The following RAB28 variants were observed in gnomAD, a reference collection of about 807,000 sequenced individuals.
RAB28 encodes RAB28, member RAS oncogene family, also known as ras-related protein Rab-28.
In RAB28, 24 loss-of-function variants were observed where a neutral mutation model predicts 31.7. That is an observed-to-expected ratio of 0.76 (90% CI 0.55 to 1.06). The LOEUF (loss-of-function observed/expected upper bound fraction) is 1.06, where lower values mean the gene tolerates loss of function less well. Ranked by LOEUF, RAB28 falls within the 50% of genes least tolerant of loss-of-function variation. The pLI is 0.00. For synonymous variants in RAB28, 100 were observed against 90.4 expected (o/e 1.11, Z -0.60); for missense variants, 254 against 258.5 (o/e 0.98, Z 0.12).
In RAB28 at chr4:13,370,692, C is replaced by T. The variant is rs6823033; in HGVS notation, c.574-2042G>A. On this transcript the variant is annotated intron_variant, in intron 6 of 6. Coordinates refer to ENST00000330852, the MANE Select transcript of RAB28 (RefSeq NM_001017979.3). ...CCAAGACTTCCTTATGATGCTCGCT[C>T]CCCCATTCCTCCCGATCCTAACCTC... 4 of 984,418 alleles carry T rather than the reference C, an allele frequency of 4.1e-6. No individual in the cohort carries two copies. The African/African-American group carries it at 7.0e-5, about 17-fold the overall frequency. The allele number at this position is 984,418 out of a possible 1,614,324, so 61.0% of individuals were successfully genotyped here.
chr4:13,445,147 C>G (rs763445350), intron 4 of RAB28, among the ~76,000 whole-genome samples: 1 of 151,626 alleles, frequency 6.6e-6, no homozygotes, highest in Non-Finnish European at 1.5e-5. Flanking sequence ...CTCTGAAATC[C>G]TTTCTTCTGC....
intron 4 of RAB28, among the ~76,000 whole-genome samples, chr4:13,449,141 T>G (rs1300213557): frequency 6.6e-6 from 1 of 152,038 alleles, no homozygotes; most frequent in Non-Finnish European, 1.5e-5. Context: ...TAAGCTCTCT[T>G]AAACAAATTG....
intron 6 of RAB28, among the ~76,000 whole-genome samples, chr4:13,374,364 A>C (rs530264373): frequency 1.2e-4 from 18 of 152,274 alleles, no homozygotes; most frequent in African/African-American, 4.3e-4. Flanking sequence ...TCTAAAGTCA[A>C]AATAGTAACC....
intron 5 of RAB28, 105 bp downstream of exon 5, chr4:13,381,386 A>G (rs1729122500): frequency 9.7e-6 from 7 of 724,362 alleles, no homozygotes; most frequent in Admixed American, 2.8e-5. Flanking sequence ...CATGTTTTCA[A>G]TAGGAATTAA....
chr4:13,428,180 C>T (rs943411070), intron 4 of RAB28, among the ~76,000 whole-genome samples: 2 of 152,194 alleles, frequency 1.3e-5, no homozygotes, highest in African/African-American at 2.4e-5. Flanking sequence ...GCCCAGGGCG[C>T]GCCGCCGGGC....
chr4:13,432,975 T>C (rs1713892467), intron 4 of RAB28, among the ~76,000 whole-genome samples: 1 of 148,894 alleles, frequency 6.7e-6, no homozygotes, highest in Non-Finnish European at 1.5e-5. Flanking sequence ...GAGTGGCAAA[T>C]TGAATTTAAA....
chr4:13,479,030 C>T (rs1221767169), intron 2 of RAB28, among the ~76,000 whole-genome samples: 1 of 151,566 alleles, frequency 6.6e-6, no homozygotes, highest in Non-Finnish European at 1.5e-5. Flanking sequence ...CAACTTTAAA[C>T]AAAAAACTAA....
At chr4:13,446,308 T>TG (rs1188337511) in intron 4 of RAB28, among the ~76,000 whole-genome samples, 1 of 152,162 alleles carries the variant, frequency 6.6e-6, no homozygotes, top group Admixed American at 6.5e-5. Context: ...CGGGGCTCTG[T>TG]GGGAGTGGGA....
intron 4 of RAB28, among the ~76,000 whole-genome samples, chr4:13,391,742 C>A (rs556365122): frequency 3.3e-5 from 5 of 152,206 alleles, no homozygotes; most frequent in East Asian, 1.9e-4. Flanking sequence ...AGGATGAGTT[C>A]TTTTCCTTTG....
chr4:13,428,074 C>T (rs966929682), intron 4 of RAB28, among the ~76,000 whole-genome samples: 4 of 152,150 alleles, frequency 2.6e-5, no homozygotes, highest in African/African-American at 9.7e-5. Flanking sequence ...GTAATCAGAA[C>T]GGAACAGAAC....
chr4:13,385,927 G>C (rs139034392), intron 4 of RAB28, among the ~76,000 whole-genome samples: 59 of 152,212 alleles, frequency 3.9e-4, no homozygotes, highest in Non-Finnish European at 7.5e-4. Flanking sequence ...AAGAAAACAA[G>C]AGAAATGCTT....
rs531770773 is a variant in RAB28, at chr4:13,469,693, C to T, written c.261+4625G>A. Among the ~76,000 whole-genome samples, 9 of 151,874 alleles carry T rather than the reference C, an allele frequency of 5.9e-5. No individual in the cohort carries two copies. The East Asian group carries it at 7.8e-4, about 13-fold the overall frequency. On this transcript the variant is annotated intron_variant, in intron 3 of 6. Transcript: ENST00000330852. Reference sequence around the variant, plus strand: ...TGGATACCATTTTCAAGGTAATAATCGACAGCAATTTTCTTTTTTAAGAGA... The same window carrying T: ...TGGATACCATTTTCAAGGTAATAATTGACAGCAATTTTCTTTTTTAAGAGA...
intron 3 of RAB28, 98 bp from the exon 4 acceptor site, chr4:13,460,926 T>C (rs182258327): frequency 1.9e-5 from 22 of 1,153,336 alleles, no homozygotes; most frequent in Non-Finnish European, 2.7e-5. Context: ...AAAATGGGTA[T>C]AAAAATACAA....
chr4:13,454,156 A>C (rs1468420766), intron 4 of RAB28, among the ~76,000 whole-genome samples: 5 of 152,112 alleles, frequency 3.3e-5, no homozygotes, highest in Non-Finnish European at 5.9e-5. Context: ...TATTTCATTA[A>C]TTAAATTCTT....
chr4:13,432,283 G>A (rs1713849880), intron 4 of RAB28, among the ~76,000 whole-genome samples: 2 of 151,918 alleles, frequency 1.3e-5, no homozygotes, highest in African/African-American at 2.4e-5. Flanking sequence ...AAGAAATATG[G>A]GATTATATAA....
At chr4:13,480,009 G>A (rs1025452049) in intron 1 of RAB28, among the ~76,000 whole-genome samples, 2 of 151,600 alleles carry the variant, frequency 1.3e-5, no homozygotes. Context: ...CACAAGAAAA[G>A]CACCGTATGT....
chr4:13,443,600 T>C (rs552114067), intron 4 of RAB28, among the ~76,000 whole-genome samples: 1 of 152,360 alleles, frequency 6.6e-6, no homozygotes, highest in South Asian at 2.1e-4. Context: ...GACAATATGA[T>C]GTTTGGCATG....
chr4:13,484,310 G>A lies in RAB28; in HGVS notation c.-160C>T, dbSNP rs1036821149. The A allele has an allele frequency of 1.1e-5, 7 of 621,246 alleles. No individual in the cohort carries two copies. Among genetic ancestry groups the A allele is most frequent in the South Asian group, 1.8e-5 (1 of 56,030 alleles). 38.5% of individuals were successfully genotyped at this position (621,246 alleles called of 1,614,324 possible). A position where few individuals can be genotyped will look rare whatever the true frequency, so the allele number is the denominator to read the frequency against. ...GTATTCGAGGAGAATCACTCGGCAA[G>A]CGCCATCTTGCCCACCTCCCCGCCC... On this transcript the variant is annotated 5_prime_UTR_variant, in exon 1 of 7. Coordinates refer to ENST00000330852, the MANE Select transcript of RAB28 (RefSeq NM_001017979.3).
chr4:13,450,665 A>C (rs1238044518), intron 4 of RAB28, among the ~76,000 whole-genome samples: 1 of 151,906 alleles, frequency 6.6e-6, no homozygotes, highest in East Asian at 1.9e-4. Context: ...GATGACAATA[A>C]GAATATGCAG....
Sources: gnomAD v4.1 joint callset for allele counts (sites outside exome capture counted in the v4.1 genomes callset) on GRCh38, gnomAD v4.1.1 for gene constraint, MANE v1.5 for transcripts, NCBI Gene and HGNC (gene_info 2026-07-23, HGNC 2026-07-21) for gene names.